The following CRTAM variants were observed in gnomAD, a reference collection of about 807,000 sequenced individuals.
CRTAM encodes cytotoxic and regulatory T cell molecule, also known as cytotoxic and regulatory T-cell molecule.
CRTAM carries 44 observed loss-of-function variants against 50.0 expected under a neutral mutation model. The observed-to-expected ratio is 0.88, with a 90% confidence interval of 0.69 to 1.13. The LOEUF (loss-of-function observed/expected upper bound fraction) is 1.13, where lower values mean the gene tolerates loss of function less well. CRTAM is among the 50% of genes most tolerant of loss of function. The pLI is 0.00. For missense variants in CRTAM, 448 were observed against 457.5 expected, an observed-to-expected ratio of 0.98 and a Z score of 0.19; for synonymous variants, 159 against 169.3, an observed-to-expected ratio of 0.94 and a Z score of 0.47.
chr11:122,854,101 G>T lies in CRTAM; in HGVS notation c.490+15G>T. On this transcript the variant is annotated intron_variant, in intron 4 of 9. Transcript: ENST00000227348. Reference sequence around the variant, plus strand: ...GGAAGTGTCCGGTAAGGGGAGAAATGGTTCTCTTTGTCTTCCTTCCTACTC... The same window carrying T: ...GGAAGTGTCCGGTAAGGGGAGAAATTGTTCTCTTTGTCTTCCTTCCTACTC... The T allele has an allele frequency of 6.2e-7, 1 of 1,605,074 alleles. No homozygotes were observed. Among genetic ancestry groups the T allele is most frequent in the Non-Finnish European group, 8.5e-7 (1 of 1,176,654 alleles).
chr11:122,862,556 AATCATTC>A lies in CRTAM; in HGVS notation c.733+14_733+20del. On this transcript the variant is annotated intron_variant, in intron 6 of 9. Transcript: ENST00000227348. The stretch of plus-strand genomic sequence containing the variant: ...GCCCACCAGTACTGGTAAGTGTCAA[AATCATTC>A]AAACTTGTTTTTAAAAAATCACGTT... 10 of 1,495,682 alleles carry A rather than the reference AATCATTC, an allele frequency of 6.7e-6. No individual in the cohort carries two copies. Among genetic ancestry groups the A allele is most frequent in the Non-Finnish European group, 9.2e-6 (10 of 1,087,026 alleles). 92.7% of individuals were successfully genotyped at this position (1,495,682 alleles called of 1,614,324 possible).
At chr11:122,859,619 A>G (rs988979486) in intron 5 of CRTAM, among the ~76,000 whole-genome samples, 1 of 152,226 alleles carries the variant, frequency 6.6e-6, no homozygotes, top group Non-Finnish European at 1.5e-5. Flanking sequence ...TCACACAAAT[A>G]TATAATTGGA....
chr11:122,862,160 C>A, intron 5 of CRTAM: 1 of 356,372 alleles, frequency 2.8e-6, no homozygotes, highest in South Asian at 6.4e-5. Flanking sequence ...GATAAACAGA[C>A]AGAGGGATTG....
At chr11:122,851,613 G>A (rs1038854128) in intron 2 of CRTAM, 80 bp from the exon 3 acceptor site, 4 of 1,278,376 alleles carry the variant, frequency 3.1e-6, no homozygotes, top group Non-Finnish European at 4.5e-6. Flanking sequence ...GCGGGGCAGT[G>A]CTTCTGGCAT....
In CRTAM at chr11:122,862,167, A is replaced by T. The variant is rs113397777; in HGVS notation, c.653-297A>T. On this transcript the variant is annotated intron_variant, in intron 5 of 9. Transcript: ENST00000227348. Reference sequence around the variant, plus strand: ...GATGGGTAGATAAACAGACAGAGGGATTGATTGATGGATAGAAGGACACAG... The same window carrying T: ...GATGGGTAGATAAACAGACAGAGGGTTTGATTGATGGATAGAAGGACACAG... The T allele has an allele frequency of 2.1e-3, 789 of 374,514 alleles. 5 individuals carry two copies. The highest frequency in any genetic ancestry group is 0.012 in the African/African-American group (613 of 49,372). The allele number at this position is 374,514 out of a possible 1,614,324, so 23.2% of individuals were successfully genotyped here.
rs1467929401 is a variant in CRTAM at position 122,867,476 on chromosome 11, C to A, written c.885C>A (p.Ser295=). The change falls in exon 8 of 10, where the codon TCC becomes TCA. Residue 295 remains serine, a synonymous_variant. Transcript: ENST00000227348. ...KSGILLLTLV[S]FLIFILFIIV... is the part of the protein sequence containing the mutation. ...GCATCCTGCTGCTCACGCTGGTGTC[C>A]TTCCTCATTTTCATACTCTTCATCA... 6.2e-7 allele frequency: 1 copy of A among 1,613,900 alleles called. No individual in the cohort carries two copies. The highest frequency in any genetic ancestry group is 8.5e-7 in the Non-Finnish European group (1 of 1,179,984).
At chr11:122,859,342 C>G (rs1485560569) in intron 5 of CRTAM, among the ~76,000 whole-genome samples, 1 of 152,014 alleles carries the variant, frequency 6.6e-6, no homozygotes, top group Non-Finnish European at 1.5e-5. Context: ...AACTCCTGAC[C>G]TCAGGTGATC....
At chr11:122,850,845 G>A (rs1360372407) in intron 2 of CRTAM, among the ~76,000 whole-genome samples, 1 of 152,178 alleles carries the variant, frequency 6.6e-6, no homozygotes, top group African/African-American at 2.4e-5. Context: ...TCTCTTTGAC[G>A]TTAGGCAGGG....
intron 5 of CRTAM, among the ~76,000 whole-genome samples, chr11:122,859,557 G>A (rs542158475): frequency 2.0e-5 from 3 of 152,048 alleles, no homozygotes; most frequent in Admixed American, 6.5e-5. Flanking sequence ...TTTTGCATTC[G>A]ATCTCTTCCA....
At chr11:122,867,322 T>C in intron 7 of CRTAM, 87 bp from the exon 8 acceptor site, 1 of 1,180,106 alleles carries the variant, frequency 8.5e-7, no homozygotes, top group Non-Finnish European at 1.2e-6. Context: ...TTATATCACA[T>C]TGTAGAAGTA....
At chr11:122,855,956 G>T (rs1862001573) in intron 5 of CRTAM, 100 bp downstream of exon 5, 1 of 951,372 alleles carries the variant, frequency 1.1e-6, no homozygotes, top group Non-Finnish European at 1.6e-6. Context: ...TTCAGATTAA[G>T]ATTACTGCCA....
chr11:122,856,974 G>C (rs1364914913), intron 5 of CRTAM, among the ~76,000 whole-genome samples: 13 of 152,004 alleles, frequency 8.6e-5, no homozygotes, highest in African/African-American at 2.9e-4. Context: ...GCATGTGGGG[G>C]ATGAGCCTGT....
chr11:122,850,351 T>C (rs1189161347), intron 2 of CRTAM, 137 bp downstream of exon 2: 2 of 776,610 alleles, frequency 2.6e-6, no homozygotes, highest in African/African-American at 1.7e-5. Flanking sequence ...TACACATGAA[T>C]CACGCCTCCA....
At chr11:122,858,797 G>C (rs562834169) in intron 5 of CRTAM, among the ~76,000 whole-genome samples, 1 of 152,186 alleles carries the variant, frequency 6.6e-6, no homozygotes, top group South Asian at 2.1e-4. Flanking sequence ...CAAAGCACTG[G>C]GATTAGAGGC....
intron 5 of CRTAM, among the ~76,000 whole-genome samples, chr11:122,859,431 G>GAAA (rs61564144): frequency 6.9e-6 from 1 of 144,846 alleles, no homozygotes; most frequent in African/African-American, 2.5e-5. Flanking sequence ...ATATTTTAAT[G>GAAA]AAAAAAAAAG....
At position 122,871,571 on chromosome 11, in the gene CRTAM, C is replaced by A; in HGVS notation, c.*172C>A. 2.1e-6 allele frequency: 1 copy of A among 472,012 alleles called. No individual in the cohort carries two copies. Among genetic ancestry groups the A allele is most frequent in the South Asian group, 4.7e-5 (1 of 21,108 alleles). 29.2% of individuals were successfully genotyped at this position (472,012 alleles called of 1,614,324 possible). A position where few individuals can be genotyped will look rare whatever the true frequency, so the allele number is the denominator to read the frequency against. ...CGGAGCTAGGGCAGCAACATGAGGA[C>A]CAAACCATGCACATAAAGCTTGTAG... On this transcript the variant is annotated 3_prime_UTR_variant, in exon 10 of 10. Transcript: ENST00000227348.
At chr11:122,839,423 T>G (rs1167976788) in intron 1 of CRTAM, among the ~76,000 whole-genome samples, 2 of 152,250 alleles carry the variant, frequency 1.3e-5, no homozygotes, top group African/African-American at 4.8e-5. Flanking sequence ...TGTGCAACAC[T>G]TATTTAGCTC....
In CRTAM at chr11:122,850,219, G is replaced by A. The variant is rs1315224820; in HGVS notation, c.193+5G>A. On this transcript the variant is annotated splice_donor_5th_base_variant and intron_variant, in intron 2 of 9. Transcript: ENST00000227348. ...TTTTTTTAAATGAGTATCCTGGTAA[G>A]TGAAAGAAAGAAAGAAAAAATGCCA... The A allele has an allele frequency of 2.5e-6, 4 of 1,587,526 alleles. No individual in the cohort carries two copies. The South Asian group carries it at 4.5e-5, about 18-fold the overall frequency.
At chr11:122,847,303 A>T (rs571925842) in intron 1 of CRTAM, among the ~76,000 whole-genome samples, 2 of 152,156 alleles carry the variant, frequency 1.3e-5, no homozygotes, top group East Asian at 3.9e-4. Flanking sequence ...GGACACAGAG[A>T]TGATTATAAA....
Sources: allele counts gnomAD v4.1 joint callset (sites outside exome capture counted in the v4.1 genomes callset), GRCh38; gene constraint gnomAD v4.1.1; transcripts MANE v1.5; gene names NCBI Gene and HGNC (gene_info 2026-07-23, HGNC 2026-07-21).